Variants in CDYL observed in about 807,000 individuals in gnomAD.
CDYL encodes chromodomain Y-like protein.
Under a neutral mutation model 47.3 loss-of-function variants are expected in CDYL, and 8 were observed. That is an observed-to-expected ratio of 0.17 (90% CI 0.10 to 0.31). CDYL has a LOEUF of 0.31. Among genes scored for constraint, CDYL ranks in the 10% least tolerant of loss-of-function variants. The pLI is 1.00. For synonymous variants in CDYL, 266 were observed against 265.0 expected (o/e 1.00, Z -0.04); for missense variants, 471 against 701.4 (o/e 0.67, Z 3.71).
intron 1 of CDYL, among the ~76,000 whole-genome samples, chr6:4,796,897 G>A (rs758242910): frequency 2.6e-5 from 4 of 152,088 alleles, no homozygotes. Context: ...TACTTTTAGT[G>A]TTAGCACCTT....
Position 4,706,870 on chromosome 6 carries a change from T to C in CDYL, c.-39+619T>C, listed in dbSNP as rs184537554. On this transcript the variant is annotated intron_variant, in intron 1 of 8. Transcript: ENST00000328908. ...GGACAGACTTCAGAAGGCCTTGAAC[T>C]CTAATGTAAAGCATTCAGATTTTCA... Among the ~76,000 whole-genome samples the C allele has an allele frequency of 7.0e-4, 107 of 152,254 alleles. 1 individual carries two copies. In the Middle Eastern group the frequency reaches 0.01, roughly 15 times the overall value.
At chr6:4,820,436 CG>C (rs1304576283) in intron 1 of CDYL, among the ~76,000 whole-genome samples, 5 of 151,892 alleles carry the variant, frequency 3.3e-5, no homozygotes, top group African/African-American at 1.2e-4. Context: ...GCTTGTACCA[CG>C]GTAAAGAGAT....
At chr6:4,931,297 T>G (rs1758027243) in intron 2 of CDYL, among the ~76,000 whole-genome samples, 1 of 152,136 alleles carries the variant, frequency 6.6e-6, no homozygotes, top group Admixed American at 6.5e-5. Flanking sequence ...GAAATAACTT[T>G]CATGGGTGCT....
chr6:4,893,347 G>T (rs561863637), intron 2 of CDYL, among the ~76,000 whole-genome samples: 2 of 152,298 alleles, frequency 1.3e-5, no homozygotes, highest in African/African-American at 4.8e-5. Context: ...CTGCTCAGGG[G>T]CCCCCACCAC....
chr6:4,850,974 A>G (rs893656838), intron 1 of CDYL, among the ~76,000 whole-genome samples: 1 of 152,226 alleles, frequency 6.6e-6, no homozygotes, highest in Non-Finnish European at 1.5e-5. Flanking sequence ...ACCGAGGCAC[A>G]TGGCAATGAC....
intron 1 of CDYL, among the ~76,000 whole-genome samples, chr6:4,808,811 T>C (rs768340031): frequency 3.9e-5 from 6 of 152,258 alleles, no homozygotes; most frequent in Non-Finnish European, 5.9e-5. Context: ...CCAAGATTGC[T>C]TTTTCTTTTC....
intron 1 of CDYL, among the ~76,000 whole-genome samples, chr6:4,830,037 T>G (rs952207556): frequency 2.0e-5 from 3 of 152,266 alleles, no homozygotes; most frequent in African/African-American, 7.2e-5. Context: ...ATTGCTGTTT[T>G]TTGGAAATGT....
At chr6:4,882,177 G>A (rs938673493) in intron 1 of CDYL, among the ~76,000 whole-genome samples, 2 of 152,072 alleles carry the variant, frequency 1.3e-5, no homozygotes, top group Non-Finnish European at 2.9e-5. Flanking sequence ...GTCTCTTGTC[G>A]TCTGTGAGCG....
At chr6:4,716,593 ATT>A (rs35154777) in intron 2 of CDYL, among the ~76,000 whole-genome samples, 81 of 119,914 alleles carry the variant, frequency 6.8e-4, no homozygotes, top group Non-Finnish European at 7.7e-4. Flanking sequence ...GGCAGCAATA[ATT>A]TTTTTTTTTT....
chr6:4,908,572 T>C (rs1473915588), intron 2 of CDYL, among the ~76,000 whole-genome samples: 1 of 152,220 alleles, frequency 6.6e-6, no homozygotes, highest in Non-Finnish European at 1.5e-5. Context: ...ACCTATATCC[T>C]TGGCTCTCCA....
chr6:4,926,010 T>C (rs1332055164), intron 2 of CDYL, among the ~76,000 whole-genome samples: 1 of 152,204 alleles, frequency 6.6e-6, no homozygotes, highest in Non-Finnish European at 1.5e-5. Context: ...TGTCTTAGCC[T>C]ATCTCCCTGC....
At chr6:4,890,363 C>T (rs923262105) in intron 1 of CDYL, among the ~76,000 whole-genome samples, 27 of 152,156 alleles carry the variant, frequency 1.8e-4, no homozygotes, top group African/African-American at 6.5e-4. Flanking sequence ...TGATACGGAC[C>T]GCGTGGACTC....
At chr6:4,755,918 G>T (rs1758066950) in intron 3 of CDYL, among the ~76,000 whole-genome samples, 1 of 152,086 alleles carries the variant, frequency 6.6e-6, no homozygotes, top group African/African-American at 2.4e-5. Context: ...CTTTCTTCTT[G>T]TATGCCTATT....
At chr6:4,709,036 ATT>A (rs1298150997) in intron 1 of CDYL, among the ~76,000 whole-genome samples, 1 of 152,104 alleles carries the variant, frequency 6.6e-6, no homozygotes, top group East Asian at 1.9e-4. Context: ...AAAATAAAAT[ATT>A]GTTAACTTTT....
intron 3 of CDYL, among the ~76,000 whole-genome samples, chr6:4,749,455 GGATATGT>G (rs1757954286): frequency 6.6e-6 from 1 of 152,008 alleles, no homozygotes. Context: ...ATGGATGGAT[GGATATGT>G]GATGGATGGA....
At chr6:4,735,559 T>G (rs1405503445) in intron 3 of CDYL, among the ~76,000 whole-genome samples, 2 of 151,446 alleles carry the variant, frequency 1.3e-5, no homozygotes, top group African/African-American at 4.9e-5. Context: ...AGGAAAGGAG[T>G]TCGAGACCAG....
intron 4 of CDYL, among the ~76,000 whole-genome samples, chr6:4,942,307 C>T (rs1299704429): frequency 1.3e-5 from 2 of 152,180 alleles, no homozygotes; most frequent in Admixed American, 6.5e-5. Flanking sequence ...CAACCCTCCT[C>T]ACCTCCCTGA....
chr6:4,815,183 C>T (rs1759637237), intron 1 of CDYL, among the ~76,000 whole-genome samples: 1 of 152,142 alleles, frequency 6.6e-6, no homozygotes, highest in Non-Finnish European at 1.5e-5. Flanking sequence ...CTCCCTCAAC[C>T]CTAACCTTCC....
At chr6:4,950,123 A>G (rs1758652732) in intron 5 of CDYL, among the ~76,000 whole-genome samples, 1 of 152,202 alleles carries the variant, frequency 6.6e-6, no homozygotes, top group South Asian at 2.1e-4. Flanking sequence ...GGGGGACGAA[A>G]GGGAGACAGG....
Sources: gnomAD v4.1 joint callset for allele counts (sites outside exome capture counted in the v4.1 genomes callset) on GRCh38, gnomAD v4.1.1 for gene constraint, MANE v1.5 for transcripts, NCBI Gene and HGNC (gene_info 2026-07-23, HGNC 2026-07-21) for gene names.